The following DMD variants were observed in gnomAD, a reference collection of about 807,000 sequenced individuals.
DMD encodes the protein mutant dystrophin.
DMD carries 63 observed loss-of-function variants against 330.1 expected under a neutral mutation model. The ratio of observed to expected loss-of-function variants is 0.19; its 90% CI spans 0.16 to 0.24. The LOEUF (loss-of-function observed/expected upper bound fraction) is 0.24. DMD is among the 10% of genes least tolerant of loss of function. The pLI is 1.00. For missense variants in DMD, 3,344 were observed against 2,684.1 expected, an observed-to-expected ratio of 1.25 and a Z score of -5.43; for synonymous variants, 1,223 against 959.8, an observed-to-expected ratio of 1.27 and a Z score of -5.07.
chrX:33,142,859 G>A lies in DMD; in HGVS notation c.31+68423C>T, dbSNP rs369975756. Among the ~76,000 whole-genome samples, 39 of 111,998 alleles carry A rather than the reference G, an allele frequency of 3.5e-4. 1 individual carries two copies. In the South Asian group the frequency reaches 6.0e-3, roughly 17 times the overall value. On this transcript the variant is annotated intron_variant, in intron 1 of 78. Coordinates refer to ENST00000357033, the MANE Select transcript of DMD (RefSeq NM_004006.3). The stretch of plus-strand genomic sequence containing the variant: ...TGCGTGCTAAAGCATAGGCTTTTAT[G>A]TTTGTCAACTCACAAATATTGTTGC...
At chrX:32,373,697 T>C (rs900262762) in intron 34 of DMD, among the ~76,000 whole-genome samples, 5 of 111,890 alleles carry the variant, frequency 4.5e-5, no homozygotes, top group Admixed American at 3.8e-4. Context: ...CTACCAATTA[T>C]AGTTTGCCCA....
rs146379857 is a variant in DMD at position 32,598,945 on chromosome X, G to A, written c.1483-3069C>T. ...GCTCTCTACAGTGACTAAGAACGTT[G>A]AAGAGTCCAGAGTGCTGGAGTAGAT... On this transcript the variant is annotated intron_variant, in intron 12 of 78. Transcript: ENST00000357033. Among the ~76,000 whole-genome samples, 104 of 111,954 alleles carry A rather than the reference G, an allele frequency of 9.3e-4. No homozygotes were observed. In the East Asian group the frequency reaches 0.025, roughly 27 times the overall value.
chrX:31,602,775 A>G (rs1043374632), intron 55 of DMD, among the ~76,000 whole-genome samples: 1 of 111,860 alleles, frequency 8.9e-6, no homozygotes, highest in African/African-American at 3.3e-5. Context: ...AAATTCCGTC[A>G]TCGTCAGAGA....
intron 1 of DMD, among the ~76,000 whole-genome samples, chrX:33,082,065 A>G (rs1360404056): frequency 1.8e-5 from 2 of 110,189 alleles, no homozygotes; most frequent in Non-Finnish European, 3.8e-5. Context: ...GTGTGCGTTA[A>G]GAGTGGCAAG....
At chrX:31,564,602 T>G (rs756174255) in intron 55 of DMD, among the ~76,000 whole-genome samples, 101 of 111,957 alleles carry the variant, frequency 9.0e-4, no homozygotes, top group African/African-American at 3.1e-3. Flanking sequence ...AATGATCACC[T>G]AGTGGAAAAT....
intron 60 of DMD, among the ~76,000 whole-genome samples, chrX:31,375,375 C>T (rs1384367449): frequency 9.0e-6 from 1 of 111,236 alleles, no homozygotes; most frequent in Non-Finnish European, 1.9e-5. Flanking sequence ...GAGCACTTCC[C>T]AGTATGACAA....
In DMD at chrX:32,722,726, T is replaced by A. The variant is rs750255899; in HGVS notation, c.650-23433A>T. On this transcript the variant is annotated intron_variant, in intron 7 of 78. Coordinates refer to ENST00000357033, the MANE Select transcript of DMD (RefSeq NM_004006.3). ...CTATGTTATCATAAATAGAATTTTTTAAAATTTTTTGGATATCTTTTGCAT... is the reference window on the plus strand; with the variant it reads ...CTATGTTATCATAAATAGAATTTTTAAAAATTTTTTGGATATCTTTTGCAT... Among the ~76,000 whole-genome samples the A allele has an allele frequency of 9.0e-5, 10 of 111,520 alleles. No homozygotes were observed. The South Asian group carries it at 1.1e-3, about 12-fold the overall frequency.
chrX:32,006,033 T>A (rs2095659327), intron 44 of DMD, among the ~76,000 whole-genome samples: 1 of 111,195 alleles, frequency 9.0e-6, no homozygotes, highest in Admixed American at 9.6e-5. Context: ...GTGGGTGGGG[T>A]GCAGGTGGTT....
At chrX:32,661,203 C>T (rs890464388) in intron 9 of DMD, among the ~76,000 whole-genome samples, 2 of 111,260 alleles carry the variant, frequency 1.8e-5, no homozygotes, top group African/African-American at 3.3e-5. Context: ...GGGTGCTATC[C>T]ACTGTGTAGA....
chrX:31,668,722 C>T (rs1175730561), intron 53 of DMD, among the ~76,000 whole-genome samples: 1 of 111,415 alleles, frequency 9.0e-6, no homozygotes, highest in Non-Finnish European at 1.9e-5. Context: ...TTCCTCCTGA[C>T]TAAAGTTTTT....
At chrX:32,770,151 G>C (rs1569515521) in intron 7 of DMD, among the ~76,000 whole-genome samples, 1 of 111,828 alleles carries the variant, frequency 8.9e-6, no homozygotes, top group Admixed American at 9.5e-5. Context: ...GCCGGATTTT[G>C]TTTAGAAAGA....
chrX:33,221,757 A>T (rs1296650403), intron 1 of DMD, among the ~76,000 whole-genome samples: 1 of 111,168 alleles, frequency 9.0e-6, no homozygotes, highest in Non-Finnish European at 1.9e-5. Flanking sequence ...TTCTTCACAT[A>T]AGTATTTAAT....
chrX:32,822,479 T>C (rs1008288764), intron 5 of DMD, among the ~76,000 whole-genome samples: 72 of 110,649 alleles, frequency 6.5e-4, no homozygotes, highest in Non-Finnish European at 7.6e-4. Context: ...TGTATGATTA[T>C]GTATACATAT....
At chrX:33,215,839 G>A (rs530796542), upstream of DMD, among the ~76,000 whole-genome samples, 3 of 111,634 alleles carry the variant, frequency 2.7e-5, no homozygotes, top group African/African-American at 9.8e-5. Context: ...TTATAGGTGT[G>A]TCGCTTTGTT....
chrX:31,148,228 A>C (rs1037627964), intron 74 of DMD, among the ~76,000 whole-genome samples: 14 of 111,987 alleles, frequency 1.3e-4, no homozygotes, highest in Non-Finnish European at 3.8e-5. Flanking sequence ...TCACCTACAA[A>C]AACACCCATT....
intron 21 of DMD, among the ~76,000 whole-genome samples, chrX:32,473,670 T>C (rs1408036127): frequency 9.0e-6 from 1 of 111,190 alleles, no homozygotes; most frequent in Non-Finnish European, 1.9e-5. Flanking sequence ...AATGGATAAT[T>C]TTTTTCAATA....
chrX:32,723,470 T>G (rs1441233870), intron 7 of DMD, among the ~76,000 whole-genome samples: 1 of 111,580 alleles, frequency 9.0e-6, no homozygotes, highest in Non-Finnish European at 1.9e-5. Context: ...TTCTATTATT[T>G]AGAAGATTTT....
Position 32,729,908 on chromosome X carries a change from T to C in DMD, c.650-30615A>G, listed in dbSNP as rs762566499. 3.6e-5 allele frequency among the ~76,000 whole-genome samples: 4 copies of C among 112,130 alleles called. No individual in the cohort carries two copies. The Admixed American group carries it at 3.8e-4, about 11-fold the overall frequency. On this transcript the variant is annotated intron_variant, in intron 7 of 78. Coordinates refer to ENST00000357033, the MANE Select transcript of DMD (RefSeq NM_004006.3). ...AATGTACTAGCAAAACTAAAGCATA[T>C]ATAGTAGCACAGCCTCTGCTCTATA...
chrX:31,719,072 T>C (rs745858097), intron 52 of DMD, among the ~76,000 whole-genome samples: 27 of 112,074 alleles, frequency 2.4e-4, no homozygotes, highest in African/African-American at 7.8e-4. Flanking sequence ...AGGATAAAGG[T>C]AGAACCTGTC....
Sources: gnomAD v4.1 joint callset for allele counts (sites outside exome capture counted in the v4.1 genomes callset) on GRCh38, gnomAD v4.1.1 for gene constraint, MANE v1.5 for transcripts, NCBI Gene and HGNC (gene_info 2026-07-23, HGNC 2026-07-21) for gene names.